The following ANKRD12 variants were observed in gnomAD, a reference collection of about 807,000 sequenced individuals.
ANKRD12 encodes ankyrin repeat domain-containing protein 12.
Under a neutral mutation model 183.4 loss-of-function variants are expected in ANKRD12, and 85 were observed. The observed-to-expected ratio is 0.46, with a 90% CI of 0.39 to 0.56. The LOEUF (loss-of-function observed/expected upper bound fraction) is 0.56, where lower values mean the gene tolerates loss of function less well. Ranked by LOEUF, ANKRD12 falls within the 20% of genes least tolerant of loss-of-function variation. ANKRD12 has a pLI of 0.00. For synonymous variants in ANKRD12, 914 were observed against 800.2 expected (o/e 1.14, Z -2.40); for missense variants, 2,405 against 2,357.1 (o/e 1.02, Z -0.42).
In ANKRD12 at chr18:9,255,259, G is replaced by T. The variant is rs1431519609; in HGVS notation, c.1992G>T (p.Lys664Asn). 1.3e-6 allele frequency: 2 copies of T among 1,563,350 alleles called. No homozygotes were observed. Among genetic ancestry groups the T allele is most frequent in the East Asian group, 4.6e-5 (2 of 43,810 alleles). ...KLKHKEREKE[K>N]HKKEIEGEKE... ...AGCATAAAGAGAGGGAAAAAGAAAA[G>T]CATAAAAAAGAAATTGAAGGTGAAA... Residue 664 changes from lysine to asparagine, a missense_variant, in exon 9 of 13, where the codon AAG becomes AAT. This residue lies in a region of ANKRD12 where 1,983 missense variants were observed against 1,725.9 expected (regional missense o/e 1.15). Transcript: ENST00000262126.
chr18:9,158,295 A>G (rs1313402472), intron 1 of ANKRD12, among the ~76,000 whole-genome samples: 2 of 152,226 alleles, frequency 1.3e-5, no homozygotes, highest in African/African-American at 4.8e-5. Context: ...ACTAAAGTTC[A>G]TACTTTATTC....
rs1309608239 is a variant in ANKRD12 at position 9,258,822 on chromosome 18, T to C, written c.5555T>C (p.Leu1852Ser). 15 of 1,613,820 alleles carry C rather than the reference T, an allele frequency of 9.3e-6. No individual in the cohort carries two copies. The highest frequency in any genetic ancestry group is 1.3e-5 in the Non-Finnish European group (15 of 1,179,866). The change falls in exon 9 of 13, where the codon TTA becomes TCA. Residue 1852 changes from leucine to serine, a missense_variant. Physicochemically the swap from Leu to Ser is moderately radical, Grantham distance 145 (BLOSUM62 -2). Around this residue, in one of 7 missense-constraint regions of ANKRD12, gnomAD observed 162 missense variants for 272.2 expected, o/e 0.60. Transcript: ENST00000262126. The stretch of plus-strand genomic sequence containing the variant: ...AAAAAAATAGAAGAAAAACGCAAAT[T>C]ACTGTGTAGTGTGATTCCTCAAGCA... The part of the protein sequence containing the change: ...IRKKIEEKRK[L>S]LCSVIPQAPQ...
chr18:9,162,248 C>T (rs555566034), intron 1 of ANKRD12, among the ~76,000 whole-genome samples: 35 of 147,202 alleles, frequency 2.4e-4, no homozygotes, highest in Non-Finnish European at 4.9e-4. Flanking sequence ...CCCAATATGT[C>T]CATGTGTTCT....
At chr18:9,233,210 G>A (rs763916529) in intron 8 of ANKRD12, among the ~76,000 whole-genome samples, 53 of 151,774 alleles carry the variant, frequency 3.5e-4, no homozygotes, top group Non-Finnish European at 6.9e-4. Flanking sequence ...TGTTGTTGAA[G>A]TTTTTTTAGT....
intron 7 of ANKRD12, among the ~76,000 whole-genome samples, chr18:9,219,756 AAG>A (rs1229274339): frequency 6.7e-6 from 1 of 150,210 alleles, no homozygotes; most frequent in Non-Finnish European, 1.5e-5. Flanking sequence ...CTAGAAAGAA[AAG>A]AAAAAAAAAA....
chr18:9,191,760 C>G (rs1443218355), intron 2 of ANKRD12, among the ~76,000 whole-genome samples: 1 of 152,152 alleles, frequency 6.6e-6, no homozygotes, highest in Non-Finnish European at 1.5e-5. Flanking sequence ...GCAAATCTTT[C>G]ACTCTCAGAC....
At chr18:9,176,771 C>T (rs1184532964) in intron 1 of ANKRD12, among the ~76,000 whole-genome samples, 1 of 151,844 alleles carries the variant, frequency 6.6e-6, no homozygotes, top group East Asian at 1.9e-4. Context: ...TTAGAAATAG[C>T]AGTGGTGTTA....
At chr18:9,174,787 C>T (rs977570843) in intron 1 of ANKRD12, among the ~76,000 whole-genome samples, 4 of 152,158 alleles carry the variant, frequency 2.6e-5, no homozygotes, top group Non-Finnish European at 5.9e-5. Context: ...TGTTTCTAAT[C>T]GGCTATCTTG....
rs1232098916 is a variant in ANKRD12, at chr18:9,282,608, A to C, written c.*1482A>C. On this transcript the variant is annotated 3_prime_UTR_variant, in exon 13 of 13. Transcript: ENST00000262126. ...GCGTACAATTTATCATAAATATATG[A>C]GGTAAAATTTGCAAAACTTTCCACA... 1.3e-5 allele frequency: 2 copies of C among 152,578 alleles called. No individual in the cohort carries two copies. The highest frequency in any genetic ancestry group is 6.5e-5 in the Admixed American group (1 of 15,276). 9.5% of individuals were successfully genotyped at this position (152,578 alleles called of 1,614,324 possible).
rs182453399 is a variant in ANKRD12, at chr18:9,150,134, C to G, written c.-52+13169C>G. 2.7e-3 allele frequency among the ~76,000 whole-genome samples: 407 copies of G among 152,226 alleles called. 1 individual carries two copies. Among genetic ancestry groups the G allele is most frequent in the Non-Finnish European group, 3.6e-3 (246 of 67,998 alleles). The stretch of plus-strand genomic sequence containing the variant: ...TTGTATAGTCTTCTGAATTCTTTGT[C>G]AGGCTCAGTTTCCCGAAAGGTATAA... On this transcript the variant is annotated intron_variant, in intron 1 of 12. Transcript: ENST00000262126.
intron 12 of ANKRD12, among the ~76,000 whole-genome samples, chr18:9,280,011 TCCCCCC>T (rs2040034298): frequency 6.6e-6 from 1 of 152,146 alleles, no homozygotes; most frequent in East Asian, 1.9e-4. Flanking sequence ...CAGAAGTCTT[TCCCCCC>T]TAGATTTTCA....
At position 9,255,732 on chromosome 18, in the gene ANKRD12, C is replaced by T; in HGVS notation, c.2465C>T (p.Pro822Leu). The T allele has an allele frequency of 6.3e-7, 1 of 1,588,714 alleles. No homozygotes were observed. Among genetic ancestry groups the T allele is most frequent in the Non-Finnish European group, 8.5e-7 (1 of 1,173,320 alleles). The change falls in exon 9 of 13, where the codon CCT becomes CTT. Residue 822 changes from proline (P) to leucine (L), a missense_variant. Around this residue, in one of 7 missense-constraint regions of ANKRD12, gnomAD observed 1,983 missense variants for 1,725.9 expected, o/e 1.15. Coordinates refer to ENST00000262126, the MANE Select transcript of ANKRD12 (RefSeq NM_015208.5). ...EKHIKESKEKPEKRSQIKEKD... is the reference protein window; with the variant it reads ...EKHIKESKEKLEKRSQIKEKD... The stretch of plus-strand genomic sequence containing the variant: ...CATATAAAGGAAAGTAAAGAAAAAC[C>T]TGAGAAGCGATCTCAAATTAAAGAA...
chr18:9,144,240 T>C (rs2078418223), intron 1 of ANKRD12, among the ~76,000 whole-genome samples: 1 of 152,220 alleles, frequency 6.6e-6, no homozygotes, highest in African/African-American at 2.4e-5. Flanking sequence ...TTGTATGCTA[T>C]TGTTTAAAGA....
At chr18:9,155,831 G>A (rs1458286619) in intron 1 of ANKRD12, among the ~76,000 whole-genome samples, 1 of 151,914 alleles carries the variant, frequency 6.6e-6, no homozygotes, top group Non-Finnish European at 1.5e-5. Context: ...TGTTGCAAAT[G>A]TTTTCACTTG....
intron 10 of ANKRD12, among the ~76,000 whole-genome samples, chr18:9,265,398 C>T (rs1156936344): frequency 6.6e-6 from 1 of 152,174 alleles, no homozygotes; most frequent in East Asian, 1.9e-4. Flanking sequence ...ACTGACACCT[C>T]ACACGGCTGG....
In ANKRD12 at chr18:9,256,329, A is replaced by G. The variant is rs1470205459; in HGVS notation, c.3062A>G (p.Asp1021Gly). The change falls in exon 9 of 13, where the codon GAT (aspartate) becomes GGT (glycine). Residue 1021 changes from aspartate to glycine, a missense_variant. This residue lies in a region of ANKRD12 where 1,983 missense variants were observed against 1,725.9 expected (regional missense o/e 1.15). Transcript: ENST00000262126. ...TPDGKEKDKK[D>G]KDIDRYKERD... ...GATGGAAAAGAAAAAGATAAAAAAG[A>G]TAAAGATATAGATAGATACAAAGAA... is the stretch of plus-strand genomic sequence containing the variant. 5 of 1,589,664 alleles carry G rather than the reference A, an allele frequency of 3.1e-6. No homozygotes were observed. In the African/African-American group the frequency reaches 4.1e-5, roughly 13 times the overall value.
intron 10 of ANKRD12, among the ~76,000 whole-genome samples, chr18:9,264,928 CGGGTG>C (rs1369484510): frequency 2.0e-5 from 3 of 152,176 alleles, no homozygotes; most frequent in Admixed American, 6.5e-5. Flanking sequence ...ACGCAGAAGA[CGGGTG>C]ATTTCTGCAT....
intron 1 of ANKRD12, among the ~76,000 whole-genome samples, chr18:9,174,092 C>T (rs942115349): frequency 4.6e-5 from 7 of 152,224 alleles, no homozygotes; most frequent in Non-Finnish European, 1.0e-4. Context: ...CGATCTGGCA[C>T]AGCAGCTGTG....
chr18:9,171,949 G>C (rs1211321655), intron 1 of ANKRD12, among the ~76,000 whole-genome samples: 1 of 151,876 alleles, frequency 6.6e-6, no homozygotes, highest in African/African-American at 2.4e-5. Context: ...GAACCCGGGA[G>C]GTGGAGGTTG....
Sources: allele counts gnomAD v4.1 joint callset (sites outside exome capture counted in the v4.1 genomes callset), GRCh38; gene constraint gnomAD v4.1.1; regional missense constraint gnomAD v4.1.1; transcripts MANE v1.5; gene names NCBI Gene and HGNC (gene_info 2026-07-23, HGNC 2026-07-21).